Variants in PCDHGA10 observed in about 807,000 individuals in gnomAD.
PCDHGA10 encodes protocadherin gamma subfamily A, 10, also known as protocadherin gamma-A10.
A neutral mutation model predicts 59.5 loss-of-function variants in PCDHGA10; 42 were observed. The ratio of observed to expected loss-of-function variants is 0.71; its 90% confidence interval spans 0.55 to 0.91. PCDHGA10 has a LOEUF of 0.91. Ranked by LOEUF, PCDHGA10 falls within the 40% of genes least tolerant of loss-of-function variation. PCDHGA10 has a pLI of 0.00. For synonymous variants in PCDHGA10, 511 were observed against 517.2 expected (o/e 0.99, Z 0.16); for missense variants, 1,111 against 1,198.2 (o/e 0.93, Z 1.07).
Position 141,476,512 on chromosome 5 carries a change from T to C in PCDHGA10, c.2437-18295T>C, listed in dbSNP as rs1171240377. ...TGATCCAGGACATCAACGACAACAA[T>C]CCTGCTTTCCCTACCCAGGAAATGA... On this transcript the variant is annotated intron_variant, in intron 1 of 3. Transcript: ENST00000398610. This position sits in a 1 kb window ranked among gnomAD's most constrained non-coding sequence, Gnocchi z 7.6. The C allele has an allele frequency of 6.2e-7, 1 of 1,613,642 alleles. No homozygotes were observed. Among genetic ancestry groups the C allele is most frequent in the Non-Finnish European group, 8.5e-7 (1 of 1,179,940 alleles).
chr5:141,485,314 T>G lies in PCDHGA10; in HGVS notation c.2437-9493T>G. Reference sequence around the variant, plus strand: ...CACAGGAAGGGACTTTTGTAGGGAATGTCGCTCAAGATTTCCTGCTGGATA... The same window carrying G: ...CACAGGAAGGGACTTTTGTAGGGAAGGTCGCTCAAGATTTCCTGCTGGATA... On this transcript the variant is annotated intron_variant, in intron 1 of 3. Coordinates refer to ENST00000398610, the MANE Select transcript of PCDHGA10 (RefSeq NM_018913.3). This position sits in a 1 kb window ranked among gnomAD's most constrained non-coding sequence, Gnocchi z 5.7. 1 of 1,614,150 alleles carries G rather than the reference T, an allele frequency of 6.2e-7. No individual in the cohort carries two copies. The highest frequency in any genetic ancestry group is 8.5e-7 in the Non-Finnish European group (1 of 1,180,032).
rs1012728568 is a variant in PCDHGA10 at position 141,495,487 on chromosome 5, T to C, written c.2495+622T>C. Among the ~76,000 whole-genome samples, 22 of 152,328 alleles carry C rather than the reference T, an allele frequency of 1.4e-4. 1 individual carries two copies. The East Asian group carries it at 4.1e-3, about 28-fold the overall frequency. ...GGGGTCTCCGTGTCTCTGCCCCTTT[T>C]TCTTGAGTTTCCGTCTTTGCCACTT... On this transcript the variant is annotated intron_variant, in intron 2 of 3. Coordinates refer to ENST00000398610, the MANE Select transcript of PCDHGA10 (RefSeq NM_018913.3).
chr5:141,459,617 A>G (rs900986636), intron 1 of PCDHGA10, among the ~76,000 whole-genome samples: 2 of 152,258 alleles, frequency 1.3e-5, no homozygotes, highest in African/African-American at 2.4e-5. Flanking sequence ...GCTTAACTTT[A>G]TAAGAAGCTG....
rs934044974 is a variant in PCDHGA10, at chr5:141,476,034, C to T, written c.2437-18773C>T. 3 of 1,464,488 alleles carry T rather than the reference C, an allele frequency of 2.0e-6. No individual in the cohort carries two copies. The highest frequency in any genetic ancestry group is 2.3e-5 in the Admixed American group (1 of 44,364). The allele number at this position is 1,464,488 out of a possible 1,614,324, so 90.7% of individuals were successfully genotyped here. A position where few individuals can be genotyped will look rare whatever the true frequency, so the allele number is the denominator to read the frequency against. On this transcript the variant is annotated intron_variant, in intron 1 of 3. Transcript: ENST00000398610. The surrounding 1 kb of genome is among the most constrained non-coding windows in gnomAD (Gnocchi z 7.6). ...CCATGTCGGACTCGGCGCCCAGCGC[C>T]CAAGCGCTAACCCGCTGAAAGTTTC...
chr5:141,475,628 C>T (rs2099366226), intron 1 of PCDHGA10, among the ~76,000 whole-genome samples: 1 of 152,116 alleles, frequency 6.6e-6, no homozygotes. Context: ...TTGGTTCGAT[C>T]CCCTTTCTTG....
At chr5:141,457,167 C>T (rs1465212183) in intron 1 of PCDHGA10, among the ~76,000 whole-genome samples, 1 of 152,114 alleles carries the variant, frequency 6.6e-6, no homozygotes, top group East Asian at 1.9e-4. Context: ...CATGGATAAC[C>T]CTATTGCAAA....
intron 1 of PCDHGA10, among the ~76,000 whole-genome samples, chr5:141,436,389 TTAAA>T (rs1385837876): frequency 6.6e-6 from 1 of 152,212 alleles, no homozygotes; most frequent in Non-Finnish European, 1.5e-5. Context: ...ATAGGCTTTA[TTAAA>T]TAGTTGTTGA....
At chr5:141,422,729 C>G (rs1352451042) in intron 1 of PCDHGA10, 1 of 1,606,960 alleles carries the variant, frequency 6.2e-7, no homozygotes, top group South Asian at 1.1e-5. Flanking sequence ...CAGGGGGTGC[C>G]TCTGTCCTCC....
intron 1 of PCDHGA10, among the ~76,000 whole-genome samples, chr5:141,467,950 C>T (rs780236016): frequency 2.6e-5 from 4 of 152,290 alleles, no homozygotes; most frequent in Admixed American, 6.5e-5. Context: ...TGAGCCACCA[C>T]ACCCGGCTGC....
chr5:141,442,720 T>C (rs941034636), intron 1 of PCDHGA10, among the ~76,000 whole-genome samples: 1 of 152,202 alleles, frequency 6.6e-6, no homozygotes, highest in Non-Finnish European at 1.5e-5. Flanking sequence ...GCCAGAGCAT[T>C]TGGGGCCTGT....
At chr5:141,426,922 T>C in intron 1 of PCDHGA10, 1 of 456,720 alleles carries the variant, frequency 2.2e-6, no homozygotes, top group Non-Finnish European at 4.4e-6. Flanking sequence ...CTGGAAGCAA[T>C]GGACATGGGT....
chr5:141,433,204 C>CT, intron 1 of PCDHGA10: 2 of 1,566,944 alleles, frequency 1.3e-6, no homozygotes, highest in Admixed American at 2.0e-5. Flanking sequence ...ATCAAATCTT[C>CT]TTTCTTTTTT....
At chr5:141,422,181 G>A in intron 1 of PCDHGA10, 3 of 1,561,316 alleles carry the variant, frequency 1.9e-6, no homozygotes, top group Non-Finnish European at 2.6e-6. Flanking sequence ...TCTATGAGAT[G>A]GAAATTCAAG....
At chr5:141,461,190 T>C (rs2099010725) in intron 1 of PCDHGA10, among the ~76,000 whole-genome samples, 1 of 152,142 alleles carries the variant, frequency 6.6e-6, no homozygotes, top group Non-Finnish European at 1.5e-5. Context: ...TAGATCTGTT[T>C]TTTGCTCTTT....
chr5:141,490,837 G>A lies in PCDHGA10; in HGVS notation c.2437-3970G>A. On this transcript the variant is annotated intron_variant, in intron 1 of 3. Coordinates refer to ENST00000398610, the MANE Select transcript of PCDHGA10 (RefSeq NM_018913.3). This position sits in a 1 kb window ranked among gnomAD's most constrained non-coding sequence, Gnocchi z 5.4. ...TGAATTGCTGCAGATGCTGCAGATTGTGGTGGGGGTTCGAGACTCCGGCTC... is the reference window on the plus strand; with the variant it reads ...TGAATTGCTGCAGATGCTGCAGATTATGGTGGGGGTTCGAGACTCCGGCTC... The A allele has an allele frequency of 1.9e-6, 3 of 1,613,914 alleles. No homozygotes were observed. The highest frequency in any genetic ancestry group is 2.2e-5 in the South Asian group (2 of 91,072).
At chr5:141,446,624 G>C (rs1433894248) in intron 1 of PCDHGA10, among the ~76,000 whole-genome samples, 1 of 151,930 alleles carries the variant, frequency 6.6e-6, no homozygotes, top group African/African-American at 2.4e-5. Flanking sequence ...CTACAGGCGT[G>C]CACCACCACG....
At position 141,487,344 on chromosome 5, in the gene PCDHGA10, C is replaced by T. The variant is rs1232854025; in HGVS notation, c.2437-7463C>T. On this transcript the variant is annotated intron_variant, in intron 1 of 3. Coordinates refer to ENST00000398610, the MANE Select transcript of PCDHGA10 (RefSeq NM_018913.3). This position sits in a 1 kb window ranked among gnomAD's most constrained non-coding sequence, Gnocchi z 5.0. ...CTTCGTGGGGCAGCCTGTGGAGTCA[C>T]ATGCTTTCCTGCTGGCACCTGTGCC... 3 of 1,614,208 alleles carry T rather than the reference C, an allele frequency of 1.9e-6. No individual in the cohort carries two copies. The highest frequency in any genetic ancestry group is 3.3e-5 in the Admixed American group (2 of 60,024).
rs1418195492 is a variant in PCDHGA10 at position 141,431,459 on chromosome 5, G to T, written c.2436+15848G>T. 4 of 1,613,692 alleles carry T rather than the reference G, an allele frequency of 2.5e-6. No homozygotes were observed. The highest frequency in any genetic ancestry group is 3.4e-6 in the Non-Finnish European group (4 of 1,179,994). Reference sequence around the variant, plus strand: ...CGCGCGCATCCGCGTGATGGTTCTGGATGCGAACGACAACGCACCAGCGTT... The same window carrying T: ...CGCGCGCATCCGCGTGATGGTTCTGTATGCGAACGACAACGCACCAGCGTT... On this transcript the variant is annotated intron_variant, in intron 1 of 3. Transcript: ENST00000398610. This position sits in a 1 kb window ranked among gnomAD's most constrained non-coding sequence, Gnocchi z 4.8.
At chr5:141,464,618 C>G (rs1425657373) in intron 1 of PCDHGA10, among the ~76,000 whole-genome samples, 2 of 152,092 alleles carry the variant, frequency 1.3e-5, no homozygotes, top group Non-Finnish European at 2.9e-5. Context: ...AGTATATTGT[C>G]AAGCTTTTTA....
Sources: allele counts gnomAD v4.1 joint callset (sites outside exome capture counted in the v4.1 genomes callset), GRCh38; gene constraint gnomAD v4.1.1; non-coding constraint Gnocchi (gnomAD v3.1); transcripts MANE v1.5; gene names NCBI Gene and HGNC (gene_info 2026-07-23, HGNC 2026-07-21).